The following SACS variants were observed in gnomAD, a reference collection of about 807,000 sequenced individuals.
SACS encodes sacsin molecular chaperone, also known as sacsin.
In SACS, 197 loss-of-function variants were observed where a neutral mutation model predicts 348.0. The observed-to-expected ratio is 0.57, with a 90% CI of 0.50 to 0.64. The LOEUF (loss-of-function observed/expected upper bound fraction) is 0.64. Among genes scored for constraint, SACS ranks in the 30% least tolerant of loss-of-function variants. The pLI, the probability that SACS is intolerant of heterozygous loss-of-function variation, is 0.00. For missense variants in SACS, 4,999 were observed against 5,360.8 expected, an observed-to-expected ratio of 0.93 and a Z score of 2.11; for synonymous variants, 1,985 against 1,910.6, an observed-to-expected ratio of 1.04 and a Z score of -1.02.
intron 9 of SACS, among the ~76,000 whole-genome samples, chr13:23,342,920 G>T (rs1869360022): frequency 2.0e-5 from 3 of 152,152 alleles, no homozygotes; most frequent in African/African-American, 7.2e-5. Flanking sequence ...TGAGATTCTA[G>T]ATCTAAAGAC....
At chr13:23,399,031 A>AAAAAAAAAAAAAC (rs1872838585) in intron 2 of SACS, among the ~76,000 whole-genome samples, 2 of 150,616 alleles carry the variant, frequency 1.3e-5, no homozygotes, top group Non-Finnish European at 3.0e-5. Flanking sequence ...AAAAAAAAAA[A>AAAAAAAAAAAAAC]AAAAAACATG....
At chr13:23,382,753 G>GTGTTT (rs568393984) in intron 2 of SACS, among the ~76,000 whole-genome samples, 3 of 148,500 alleles carry the variant, frequency 2.0e-5, no homozygotes, top group Non-Finnish European at 4.5e-5. Context: ...CATATTCTTT[G>GTGTTT]TGTTTTGTTT....
At chr13:23,381,948 T>C (rs1872074535) in intron 2 of SACS, among the ~76,000 whole-genome samples, 1 of 152,232 alleles carries the variant, frequency 6.6e-6, no homozygotes, top group Non-Finnish European at 1.5e-5. Context: ...TTTTTGCATT[T>C]GTGAAGACTA....
chr13:23,420,395 C>T (rs1311420395), intron 1 of SACS, among the ~76,000 whole-genome samples: 1 of 152,066 alleles, frequency 6.6e-6, no homozygotes, highest in East Asian at 1.9e-4. Context: ...CTAATGTCCA[C>T]CGGTGGCCCA....
chr13:23,396,224 C>T (rs1015676920), intron 2 of SACS, among the ~76,000 whole-genome samples: 31 of 150,854 alleles, frequency 2.1e-4, no homozygotes, highest in African/African-American at 7.3e-5. Flanking sequence ...CTTGGGAGGC[C>T]GAGGCAGGAG....
At position 23,335,610 on chromosome 13, in the gene SACS, T is replaced by C; in HGVS notation, c.8266A>G (p.Thr2756Ala). 1.2e-6 allele frequency: 2 copies of C among 1,613,866 alleles called. No homozygotes were observed. Among genetic ancestry groups the C allele is most frequent in the Non-Finnish European group, 1.7e-6 (2 of 1,179,858 alleles). Residue 2756 changes from threonine to alanine, a missense_variant, in exon 10 of 10, where the codon ACT (threonine) becomes GCT (alanine). This residue lies in a region of SACS where 3,156 missense variants were observed against 3,380.1 expected (regional missense o/e 0.93). Coordinates refer to ENST00000382292, the MANE Select transcript of SACS (RefSeq NM_014363.6). The surrounding 1 kb of genome is among the most constrained non-coding windows in gnomAD (Gnocchi z 4.7). ...KISICEIDKS[T>A]GALNVLYSVK... ...GAATACAGCACATTTAGAGCTCCAGTACTCTTATCTATTTCACAAATAGAA... is the reference window on the plus strand; with the variant it reads ...GAATACAGCACATTTAGAGCTCCAGCACTCTTATCTATTTCACAAATAGAA...
chr13:23,360,012 C>T (rs1219702663), intron 6 of SACS, among the ~76,000 whole-genome samples: 3 of 152,148 alleles, frequency 2.0e-5, no homozygotes, highest in Non-Finnish European at 4.4e-5. Flanking sequence ...ACTCTGCAGT[C>T]AGGATGTCAG....
chr13:23,342,554 C>T (rs989804923), intron 9 of SACS, among the ~76,000 whole-genome samples: 5 of 152,196 alleles, frequency 3.3e-5, no homozygotes, highest in Non-Finnish European at 5.9e-5. Context: ...TCCAAAAAAT[C>T]TGAAATCCAA....
At chr13:23,407,128 G>GT (rs1289481443) in intron 2 of SACS, among the ~76,000 whole-genome samples, 1 of 152,218 alleles carries the variant, frequency 6.6e-6, no homozygotes, top group Non-Finnish European at 1.5e-5. Context: ...CGAAGATACT[G>GT]TAAGCCCAAC....
rs191436114 is a variant in SACS, at chr13:23,393,148, A to G, written c.21-17879T>C. On this transcript the variant is annotated intron_variant, in intron 2 of 9. Coordinates refer to ENST00000382292, the MANE Select transcript of SACS (RefSeq NM_014363.6). Reference sequence around the variant, plus strand: ...ACAGGCTCAAATGGAAAGAACATGAACAAACTTGTTCCTAAGCCCATGTGA... The same window carrying G: ...ACAGGCTCAAATGGAAAGAACATGAGCAAACTTGTTCCTAAGCCCATGTGA... Among the ~76,000 whole-genome samples the G allele has an allele frequency of 2.0e-3, 310 of 152,294 alleles. 3 individuals are homozygous for G. Among genetic ancestry groups the G allele is most frequent in the Non-Finnish European group, 3.2e-3 (219 of 68,020 alleles).
At position 23,331,602 on chromosome 13, in the gene SACS, CTGAA is replaced by C; in HGVS notation, c.12270_12273del (p.His4090GlnfsTer10). The C allele has an allele frequency of 6.2e-7, 1 of 1,613,962 alleles. No homozygotes were observed. The highest frequency in any genetic ancestry group is 8.5e-7 in the Non-Finnish European group (1 of 1,179,916). ...AACAGGAAATTAATGTCTTTACTGT[CTGAA>C]TGTTGAATGTAGAGCAAGATGACTG... On this transcript the variant is annotated frameshift_variant, in exon 10 of 10. Coordinates refer to ENST00000382292, the MANE Select transcript of SACS (RefSeq NM_014363.6). LOFTEE classifies it high-confidence loss of function.
At position 23,381,749 on chromosome 13, in the gene SACS, T is replaced by C. The variant is rs116023670; in HGVS notation, c.21-6480A>G. Among the ~76,000 whole-genome samples, 303 of 151,780 alleles carry C rather than the reference T, an allele frequency of 2.0e-3. 1 individual carries two copies. Among genetic ancestry groups the C allele is most frequent in the African/African-American group, 7.0e-3 (289 of 41,508 alleles). ...ATCATATTGTATTTTTACTATTTCTTGCTTACATTCATTAAAGGTTTTTTA... is the reference window on the plus strand; with the variant it reads ...ATCATATTGTATTTTTACTATTTCTCGCTTACATTCATTAAAGGTTTTTTA... On this transcript the variant is annotated intron_variant, in intron 2 of 9. Coordinates refer to ENST00000382292, the MANE Select transcript of SACS (RefSeq NM_014363.6).
chr13:23,368,594 G>T, intron 4 of SACS, 107 bp from the exon 5 acceptor site: 2 of 787,708 alleles, frequency 2.5e-6, no homozygotes, highest in Non-Finnish European at 4.4e-6. Flanking sequence ...AGTTATGGTT[G>T]CATATATCTC....
Position 23,337,876 on chromosome 13 carries a change from T to G in SACS, c.6000A>C (p.Lys2000Asn). The G allele has an allele frequency of 6.2e-7, 1 of 1,613,896 alleles. No homozygotes were observed. Among genetic ancestry groups the G allele is most frequent in the Admixed American group, 1.7e-5 (1 of 60,010 alleles). Residue 2000 changes from lysine to asparagine, a missense_variant, in exon 10 of 10, where the codon AAA (lysine) becomes AAC (asparagine). Transcript: ENST00000382292. ...NVRFLDDSIL[K>N]RRDVGSAAFK... The stretch of plus-strand genomic sequence containing the variant: ...AGGCTGCTGAACCAACATCTCTTCT[T>G]TTAAGTATAGAGTCATCTAGAAATC...
chr13:23,416,766 A>AT (rs1005786095), intron 1 of SACS, among the ~76,000 whole-genome samples: 3 of 152,022 alleles, frequency 2.0e-5, no homozygotes, highest in Non-Finnish European at 4.4e-5. Flanking sequence ...AAAAAAAAAA[A>AT]AAGTAGAAGG....
intron 5 of SACS, 46 bp downstream of exon 5, chr13:23,368,356 C>T: frequency 5.0e-6 from 7 of 1,386,816 alleles, no homozygotes; most frequent in Non-Finnish European, 7.0e-6. Context: ...TACTTCATCT[C>T]ATTTTTATCA....
Position 23,355,745 on chromosome 13 carries a change from C to T in SACS, c.867G>A (p.Lys289=), listed in dbSNP as rs2137727424. 6.2e-7 allele frequency: 1 copy of T among 1,614,164 alleles called. No individual in the cohort carries two copies. The highest frequency in any genetic ancestry group is 8.5e-7 in the Non-Finnish European group (1 of 1,180,034). ...PSQLSSNLYN[K]QKVLELFESF... is the part of the protein sequence containing the mutation. ...ACTCAAACAACTCAAGAACCTTCTG[C>T]TTATTGTAGAGGTTACTACTAAGTT... Residue 289 remains lysine, a synonymous_variant, in exon 8 of 10, where the codon AAG becomes AAA. Coordinates refer to ENST00000382292, the MANE Select transcript of SACS (RefSeq NM_014363.6).
intron 1 of SACS, among the ~76,000 whole-genome samples, chr13:23,415,401 T>C (rs1162693505): frequency 1.3e-5 from 2 of 152,190 alleles, no homozygotes; most frequent in East Asian, 3.8e-4. Flanking sequence ...CCAAACACTA[T>C]TGTTCCTTTC....
chr13:23,389,030 A>G (rs1872422113), intron 2 of SACS, among the ~76,000 whole-genome samples: 1 of 152,188 alleles, frequency 6.6e-6, no homozygotes, highest in African/African-American at 2.4e-5. Flanking sequence ...CAAGGCATGG[A>G]GCTGAATGTC....
Sources: allele counts gnomAD v4.1 joint callset (sites outside exome capture counted in the v4.1 genomes callset), GRCh38; gene constraint gnomAD v4.1.1; regional missense constraint gnomAD v4.1.1; non-coding constraint Gnocchi (gnomAD v3.1); transcripts MANE v1.5; gene names NCBI Gene and HGNC (gene_info 2026-07-23, HGNC 2026-07-21).